RAF1: variants seen among roughly 807,000 people sequenced by gnomAD.
The protein encoded by RAF1 is RAF proto-oncogene serine/threonine-protein kinase.
Under a neutral mutation model 81.1 loss-of-function variants are expected in RAF1, and 27 were observed. That is an observed-to-expected ratio of 0.33 (90% confidence interval 0.25 to 0.46). RAF1 has a LOEUF of 0.46. RAF1 is among the 20% of genes least tolerant of loss of function. The pLI is 1.00. For synonymous variants in RAF1, 298 were observed against 294.0 expected (o/e 1.01, Z -0.14); for missense variants, 598 against 826.0 (o/e 0.72, Z 3.38).
At chr3:12,622,512 G>C (rs765801567) in intron 1 of RAF1, among the ~76,000 whole-genome samples, 1 of 152,180 alleles carries the variant, frequency 6.6e-6, no homozygotes, top group Non-Finnish European at 1.5e-5. Flanking sequence ...AGGCAAGCTG[G>C]TTTTTTCACA....
rs886041642 is a variant in RAF1 at position 12,590,819 on chromosome 3, C to A, written c.1409G>T (p.Arg470Leu). Residue 470 changes from arginine to leucine, a missense_variant, in exon 13 of 18, where the codon CGG (arginine) becomes CTG (leucine). This residue lies in a region of RAF1 where 85 missense variants were observed against 185.6 expected (regional missense o/e 0.46). Coordinates refer to ENST00000442415, the MANE Select transcript of RAF1 (RefSeq NM_001354689.3). ...TCACTCCATTCCCTGAGCCGTCTGC[C>A]GGGCAATGTCAATTAGCTGGAACAT... 5.6e-6 allele frequency: 9 copies of A among 1,613,716 alleles called. No individual in the cohort carries two copies. The highest frequency in any genetic ancestry group is 7.6e-6 in the Non-Finnish European group (9 of 1,179,886).
chr3:12,618,774 C>T (rs938670394), intron 1 of RAF1, 27 bp from the exon 2 acceptor site: 5 of 1,554,406 alleles, frequency 3.2e-6, no homozygotes, highest in South Asian at 2.3e-5. Flanking sequence ...ATAATTGTAA[C>T]TCTAGAACAA....
At chr3:12,587,324 CGGAAATCTCTCCAAATCACTTTTGCTGA>C (rs2058361443) in intron 14 of RAF1, 2 of 519,534 alleles carry the variant, frequency 3.8e-6, no homozygotes, top group Non-Finnish European at 6.9e-6. Context: ...TTCAAGCTTA[CGGAAATCTCTCCAAATCACTTTTGCTGA>C]GATAAACTCA....
At chr3:12,622,020 A>G (rs2059569918) in intron 1 of RAF1, among the ~76,000 whole-genome samples, 1 of 152,118 alleles carries the variant, frequency 6.6e-6, no homozygotes, top group African/African-American at 2.4e-5. Context: ...TTATCGGCAT[A>G]TTTTATTTCT....
chr3:12,607,528 G>A (rs1179845109), intron 5 of RAF1, among the ~76,000 whole-genome samples: 1 of 152,120 alleles, frequency 6.6e-6, no homozygotes, highest in African/African-American at 2.4e-5. Context: ...TACACTTGTA[G>A]TCCCAGCTAC....
chr3:12,618,406 G>T, intron 2 of RAF1, 109 bp downstream of exon 2: 21 of 1,103,198 alleles, frequency 1.9e-5, no homozygotes, highest in Non-Finnish European at 2.8e-5. Context: ...AAAAAATAAA[G>T]ACCCTAAATG....
At chr3:12,616,332 T>G (rs1024255901) in intron 2 of RAF1, among the ~76,000 whole-genome samples, 4 of 152,222 alleles carry the variant, frequency 2.6e-5, no homozygotes, top group Non-Finnish European at 5.9e-5. Flanking sequence ...AATAACACTT[T>G]GAAGAAGCAC....
intron 11 of RAF1, among the ~76,000 whole-genome samples, chr3:12,595,082 G>A (rs964864633): frequency 1.3e-5 from 2 of 151,958 alleles, no homozygotes; most frequent in African/African-American, 2.4e-5. Flanking sequence ...CCCTCCCCTC[G>A]CCCCACTCTG....
chr3:12,623,814 A>T (rs1243557962), intron 1 of RAF1, among the ~76,000 whole-genome samples: 1 of 118,170 alleles, frequency 8.5e-6, no homozygotes, highest in Non-Finnish European at 1.9e-5. Flanking sequence ...AAAAAAAAAA[A>T]AAAAAGAGGC....
intron 1 of RAF1, among the ~76,000 whole-genome samples, chr3:12,635,540 A>T (rs564684839): frequency 1.5e-4 from 22 of 149,350 alleles, no homozygotes; most frequent in African/African-American, 5.4e-4. Flanking sequence ...GGAGGCTGAG[A>T]CAGGAGAATC....
intron 11 of RAF1, among the ~76,000 whole-genome samples, chr3:12,598,754 C>CAAAAAAA (rs1491128080): frequency 9.0e-6 from 1 of 111,226 alleles, no homozygotes; most frequent in Non-Finnish European, 1.8e-5. Flanking sequence ...AAAAAAAAAA[C>CAAAAAAA]CACCAAGTAC....
chr3:12,583,884 T>C lies in RAF1; in HGVS notation c.*630A>G, dbSNP rs975583754. ...AGACTGCTCCCTGAGAGGGCTGAGA[T>C]GCGGATTGGCCGAGTGCCTTGCCTG... is the stretch of plus-strand genomic sequence containing the variant. On this transcript the variant is annotated 3_prime_UTR_variant, in exon 18 of 18. Transcript: ENST00000442415. 23 of 234,928 alleles carry C rather than the reference T, an allele frequency of 9.8e-5. No individual in the cohort carries two copies. Among genetic ancestry groups the C allele is most frequent in the Non-Finnish European group, 1.3e-4 (16 of 118,960 alleles). 14.6% of individuals were successfully genotyped at this position (234,928 alleles called of 1,614,324 possible). A position where few individuals can be genotyped will look rare whatever the true frequency, so the allele number is the denominator to read the frequency against.
At chr3:12,586,288 T>C (rs1191876889) in intron 14 of RAF1, among the ~76,000 whole-genome samples, 1 of 152,166 alleles carries the variant, frequency 6.6e-6, no homozygotes, top group Non-Finnish European at 1.5e-5. Context: ...GTGTTCAATG[T>C]TGTAGTAAGA....
chr3:12,606,157 C>A (rs2125406068), intron 6 of RAF1, 44 bp downstream of exon 6: 1 of 1,467,598 alleles, frequency 6.8e-7, no homozygotes, highest in Non-Finnish European at 9.5e-7. Context: ...AACCCCACCA[C>A]CCCAAATAAC....
At chr3:12,625,493 A>C (rs2059677525) in intron 1 of RAF1, among the ~76,000 whole-genome samples, 1 of 152,210 alleles carries the variant, frequency 6.6e-6, no homozygotes. Context: ...AGTATCTATT[A>C]ACTGTTTAAA....
intron 1 of RAF1, among the ~76,000 whole-genome samples, chr3:12,626,379 G>A (rs7634604): frequency 0.053 from 8,024 of 151,912 alleles, 715 homozygotes; most frequent in African/African-American, 0.18. Context: ...CTTGAGCCCA[G>A]GAGTTTAACA....
rs573864774 is a variant in RAF1 at position 12,660,229 on chromosome 3, A to C, written c.-27+3584T>G. 2.0e-5 allele frequency among the ~76,000 whole-genome samples: 3 copies of C among 152,216 alleles called. No homozygotes were observed. The South Asian group carries it at 6.2e-4, about 32-fold the overall frequency. On this transcript the variant is annotated intron_variant, in intron 1 of 17. Transcript: ENST00000442415. Reference sequence around the variant, plus strand: ...ACTTTTTGTCAGAAATTACCAGCTTAATCTGCTTCTCACTGTTTTTTTCAG... The same window carrying C: ...ACTTTTTGTCAGAAATTACCAGCTTCATCTGCTTCTCACTGTTTTTTTCAG...
rs549078953 is a variant in RAF1 at position 12,618,893 on chromosome 3, T to C, written c.-26-146A>G. ...CATCAGCAAAGAAAAGTTTCTTTAA[T>C]AGTACACTTCCATTAAATATTTCAT... On this transcript the variant is annotated intron_variant, in intron 1 of 17. Coordinates refer to ENST00000442415, the MANE Select transcript of RAF1 (RefSeq NM_001354689.3). 3 of 675,238 alleles carry C rather than the reference T, an allele frequency of 4.4e-6. No homozygotes were observed. The South Asian group carries it at 5.4e-5, about 12-fold the overall frequency. The allele number at this position is 675,238 out of a possible 1,614,324, so 41.8% of individuals were successfully genotyped here. A position where few individuals can be genotyped will look rare whatever the true frequency, so the allele number is the denominator to read the frequency against.
intron 11 of RAF1, among the ~76,000 whole-genome samples, chr3:12,595,369 A>G (rs1469168215): frequency 1.3e-5 from 2 of 152,124 alleles, no homozygotes; most frequent in Non-Finnish European, 2.9e-5. Context: ...ACTGCACCCA[A>G]TCAAACTATT....
Sources: gnomAD v4.1 joint callset for allele counts (sites outside exome capture counted in the v4.1 genomes callset) on GRCh38, gnomAD v4.1.1 for gene constraint, gnomAD v4.1.1 regional missense constraint, MANE v1.5 for transcripts, NCBI Gene and HGNC (gene_info 2026-07-23, HGNC 2026-07-21) for gene names.